XPR1: variants seen among roughly 807,000 people sequenced by gnomAD.
The protein encoded by XPR1 is xenotropic and polytropic retrovirus receptor 1.
In XPR1, 28 loss-of-function variants were observed where a neutral mutation model predicts 87.5. The observed-to-expected ratio is 0.32, with a 90% CI of 0.24 to 0.44. The LOEUF (loss-of-function observed/expected upper bound fraction) is 0.44. XPR1 is among the 20% of genes least tolerant of loss of function. The pLI, the probability that XPR1 is intolerant of heterozygous loss-of-function variation, is 1.00. For synonymous variants in XPR1, 300 were observed against 306.1 expected (o/e 0.98, Z 0.21); for missense variants, 559 against 862.3 (o/e 0.65, Z 4.41).
rs1466715362 is a variant in XPR1 at position 180,709,629 on chromosome 1, C to T, written c.121+27218C>T. Among the ~76,000 whole-genome samples, 4 of 152,314 alleles carry T rather than the reference C, an allele frequency of 2.6e-5. No individual in the cohort carries two copies. In the East Asian group the frequency reaches 7.7e-4, roughly 29 times the overall value. On this transcript the variant is annotated intron_variant, in intron 2 of 14. Transcript: ENST00000367590. Reference sequence around the variant, plus strand: ...CAAAGTAGCAGTGCAATTTTACGTTCACTTAGAATGTGTCAATGTTTCATT... The same window carrying T: ...CAAAGTAGCAGTGCAATTTTACGTTTACTTAGAATGTGTCAATGTTTCATT...
intron 1 of XPR1, among the ~76,000 whole-genome samples, chr1:180,640,600 C>T (rs541813451): frequency 3.0e-4 from 46 of 152,292 alleles, no homozygotes; most frequent in African/African-American, 1.0e-3. Flanking sequence ...GAAGTAATGG[C>T]GGGTCTATTT....
At chr1:180,664,104 C>T (rs1006502856) in intron 1 of XPR1, among the ~76,000 whole-genome samples, 45 of 152,268 alleles carry the variant, frequency 3.0e-4, no homozygotes, top group Non-Finnish European at 5.9e-4. Context: ...TTGGGGACCC[C>T]AAAAGCCTGC....
At chr1:180,766,845 A>C (rs1229183339) in intron 2 of XPR1, among the ~76,000 whole-genome samples, 1 of 152,096 alleles carries the variant, frequency 6.6e-6, no homozygotes, top group Non-Finnish European at 1.5e-5. Flanking sequence ...CTATAAATTT[A>C]TTATTTTTGC....
intron 3 of XPR1, among the ~76,000 whole-genome samples, chr1:180,789,132 A>G (rs1175241275): frequency 1.3e-5 from 2 of 152,120 alleles, no homozygotes; most frequent in African/African-American, 4.8e-5. Context: ...GTTCTTCCAA[A>G]TCAGTATTTC....
intron 2 of XPR1, among the ~76,000 whole-genome samples, chr1:180,738,759 G>A (rs1229914050): frequency 1.3e-5 from 2 of 152,120 alleles, no homozygotes; most frequent in African/African-American, 2.4e-5. Flanking sequence ...AGTTTTGAGA[G>A]TGCTTATATA....
intron 9 of XPR1, among the ~76,000 whole-genome samples, chr1:180,834,299 C>T (rs544576420): frequency 2.2e-4 from 33 of 152,208 alleles, no homozygotes; most frequent in East Asian, 3.9e-4. Context: ...AGGCTGGTCT[C>T]GAACTCCTGA....
At chr1:180,824,539 C>T (rs1650756491) in intron 7 of XPR1, among the ~76,000 whole-genome samples, 1 of 152,012 alleles carries the variant, frequency 6.6e-6, no homozygotes, top group Non-Finnish European at 1.5e-5. Flanking sequence ...CGAGATCACG[C>T]CATTGCACTC....
intron 2 of XPR1, among the ~76,000 whole-genome samples, chr1:180,773,000 C>T (rs1648579272): frequency 6.6e-6 from 1 of 152,100 alleles, no homozygotes; most frequent in South Asian, 2.1e-4. Flanking sequence ...TATTGTAGCT[C>T]CCCAGGGTAC....
intron 2 of XPR1, chr1:180,758,960 A>G (rs1337041983): frequency 2.0e-5 from 3 of 152,284 alleles, no homozygotes; most frequent in African/African-American, 7.2e-5. Flanking sequence ...GGACTAAGAA[A>G]CTCACTCAAA....
chr1:180,742,589 A>G (rs1174811267), intron 2 of XPR1, among the ~76,000 whole-genome samples: 5 of 152,078 alleles, frequency 3.3e-5, no homozygotes, highest in Non-Finnish European at 7.4e-5. Flanking sequence ...TTTGAAAAGG[A>G]TAAGTATGTA....
chr1:180,736,521 T>C (rs1658736517), intron 2 of XPR1, among the ~76,000 whole-genome samples: 2 of 152,196 alleles, frequency 1.3e-5, no homozygotes, highest in African/African-American at 2.4e-5. Context: ...AATACCTGGA[T>C]TGGAATAAAG....
chr1:180,636,499 G>A (rs1654763179), intron 1 of XPR1, among the ~76,000 whole-genome samples: 1 of 152,218 alleles, frequency 6.6e-6, no homozygotes. Flanking sequence ...ATGCTGGAAA[G>A]ATTATACTTG....
At chr1:180,824,606 AGATAGAT>A in intron 7 of XPR1, 140 bp from the exon 8 acceptor site, 1 of 675,802 alleles carries the variant, frequency 1.5e-6, no homozygotes, top group Non-Finnish European at 2.4e-6. Context: ...ATAGATAGAT[AGATAGAT>A]GATAGATAAT....
intron 2 of XPR1, among the ~76,000 whole-genome samples, chr1:180,714,387 CTCTCTCTCTCT>C (rs1657913983): frequency 6.8e-6 from 1 of 147,260 alleles, no homozygotes; most frequent in Admixed American, 6.7e-5. Flanking sequence ...CTCTCTCTCT[CTCTCTCTCTCT>C]CTCTGTCGTC....
At chr1:180,754,985 A>C (rs369187166) in intron 2 of XPR1, among the ~76,000 whole-genome samples, 2 of 152,152 alleles carry the variant, frequency 1.3e-5, no homozygotes, top group African/African-American at 4.8e-5. Flanking sequence ...CATAGAATTG[A>C]TCGAATAAGG....
At chr1:180,807,959 G>A (rs556655352) in intron 6 of XPR1, among the ~76,000 whole-genome samples, 3 of 152,248 alleles carry the variant, frequency 2.0e-5, no homozygotes, top group Non-Finnish European at 2.9e-5. Flanking sequence ...AGCCGAGATC[G>A]CGCCACTGCA....
At chr1:180,803,717 A>G in intron 4 of XPR1, 106 bp downstream of exon 4, 4 of 894,650 alleles carry the variant, frequency 4.5e-6, no homozygotes, top group South Asian at 3.5e-5. Flanking sequence ...CAAAAAGGAA[A>G]ATCCTTAACA....
chr1:180,686,644 G>T (rs890296579), intron 2 of XPR1, among the ~76,000 whole-genome samples: 3 of 152,146 alleles, frequency 2.0e-5, no homozygotes, highest in Admixed American at 2.0e-4. Context: ...TTTTTAAAAT[G>T]AGAGTTGAGT....
chr1:180,648,525 G>A (rs1229997208), intron 1 of XPR1, among the ~76,000 whole-genome samples: 1 of 152,038 alleles, frequency 6.6e-6, no homozygotes, highest in Non-Finnish European at 1.5e-5. Flanking sequence ...TTTTGTTTTT[G>A]AGATGAAGTC....
Sources: allele counts gnomAD v4.1 joint callset (sites outside exome capture counted in the v4.1 genomes callset), GRCh38; gene constraint gnomAD v4.1.1; transcripts MANE v1.5; gene names NCBI Gene and HGNC (gene_info 2026-07-23, HGNC 2026-07-21).